SYCP2L: variants seen among roughly 807,000 people sequenced by gnomAD.
SYCP2L encodes the protein synaptonemal complex protein 2-like.
SYCP2L carries 98 observed loss-of-function variants against 125.8 expected under a neutral mutation model. The ratio of observed to expected loss-of-function variants is 0.78; its 90% CI spans 0.66 to 0.92. The LOEUF (loss-of-function observed/expected upper bound fraction) is 0.92, where lower values mean the gene tolerates loss of function less well. Ranked by LOEUF, SYCP2L falls within the 40% of genes least tolerant of loss-of-function variation. The pLI, the probability that SYCP2L is intolerant of heterozygous loss-of-function variation, is 0.00. For missense variants in SYCP2L, 842 were observed against 936.4 expected, an observed-to-expected ratio of 0.90 and a Z score of 1.32; for synonymous variants, 317 against 325.4, an observed-to-expected ratio of 0.97 and a Z score of 0.28.
intron 10 of SYCP2L, among the ~76,000 whole-genome samples, chr6:10,908,496 C>T (rs1397588771): frequency 6.6e-6 from 1 of 152,010 alleles, no homozygotes; most frequent in African/African-American, 2.4e-5. Context: ...TCAGGCTGCA[C>T]AAAAATAGCG....
At chr6:10,926,755 T>C (rs1402275333) in intron 16 of SYCP2L, among the ~76,000 whole-genome samples, 1 of 151,752 alleles carries the variant, frequency 6.6e-6, no homozygotes, top group Non-Finnish European at 1.5e-5. Context: ...CAAGGCTGTT[T>C]TCCCAAGTGC....
intron 14 of SYCP2L, among the ~76,000 whole-genome samples, chr6:10,923,757 C>T (rs1219800921): frequency 6.7e-6 from 1 of 148,392 alleles, no homozygotes; most frequent in Admixed American, 6.9e-5. Context: ...GATCTCGGCT[C>T]ACTGCAAGCT....
intron 21 of SYCP2L, among the ~76,000 whole-genome samples, chr6:10,940,436 G>C (rs61661456): frequency 0.026 from 3,916 of 152,164 alleles, 173 homozygotes; most frequent in East Asian, 0.22. Flanking sequence ...CTAAGCACTG[G>C]TCAGTGGATG....
intron 29 of SYCP2L, among the ~76,000 whole-genome samples, chr6:10,973,064 C>G (rs1045584261): frequency 2.6e-5 from 4 of 152,148 alleles, no homozygotes; most frequent in Non-Finnish European, 5.9e-5. Flanking sequence ...GTCTGTCATG[C>G]CTGAATTAAA....
intron 17 of SYCP2L, 31 bp downstream of exon 17, chr6:10,927,398 G>A (rs546474178): frequency 3.0e-5 from 48 of 1,574,762 alleles, no homozygotes; most frequent in African/African-American, 4.1e-5. Context: ...CCTAAGCATC[G>A]GCCAGGTTGA....
At chr6:10,969,892 A>T (rs1288710768) in intron 29 of SYCP2L, among the ~76,000 whole-genome samples, 1 of 152,132 alleles carries the variant, frequency 6.6e-6, no homozygotes, top group African/African-American at 2.4e-5. Context: ...ATATAACATG[A>T]TCCCACCTGT....
intron 1 of SYCP2L, among the ~76,000 whole-genome samples, chr6:10,889,917 G>GC (rs1780147164): frequency 6.6e-6 from 1 of 152,100 alleles, no homozygotes; most frequent in African/African-American, 2.4e-5. Context: ...ACCGCACCCG[G>GC]CCGAGATCAG....
chr6:10,910,938 TA>T, intron 12 of SYCP2L, 69 bp downstream of exon 12: 3 of 1,552,874 alleles, frequency 1.9e-6, no homozygotes, highest in Non-Finnish European at 2.7e-6. Context: ...TTTACGTGGT[TA>T]GATCAAACTT....
chr6:10,931,464 G>A lies in SYCP2L; in HGVS notation c.1658G>A (p.Ser553Asn), dbSNP rs775716629. The A allele has an allele frequency of 9.9e-6, 16 of 1,614,014 alleles. No homozygotes were observed. Among genetic ancestry groups the A allele is most frequent in the South Asian group, 2.2e-5 (2 of 91,070 alleles). The part of the protein sequence containing the change: ...LRILPVFPPS[S>N]GSGHEKDQAK... ...GTCTTGCCAGTTTTCCCTCCCAGTA[G>A]TGGCAGTGGCCATGAGAAAGACCAA... The change falls in exon 20 of 30, where the codon AGT becomes AAT. Residue 553 changes from serine to asparagine, a missense_variant. Physicochemically the swap from Ser to Asn is conservative, Grantham distance 46. Coordinates refer to ENST00000283141, the MANE Select transcript of SYCP2L (RefSeq NM_001040274.3).
At chr6:10,909,897 C>G (rs16870791) in intron 10 of SYCP2L, among the ~76,000 whole-genome samples, 2,529 of 152,208 alleles carry the variant, frequency 0.017, 73 homozygotes, top group African/African-American at 0.058. Context: ...CTTTTGGAGA[C>G]CTAAGTATTC....
chr6:10,954,019 T>C lies in SYCP2L; in HGVS notation c.1955-1097T>C, dbSNP rs1581842519. Among the ~76,000 whole-genome samples, 1 of 151,852 alleles carries C rather than the reference T, an allele frequency of 6.6e-6. No homozygotes were observed. Among genetic ancestry groups the C allele is most frequent in the Non-Finnish European group, 1.5e-5 (1 of 67,950 alleles). On this transcript the variant is annotated intron_variant, in intron 23 of 29. Transcript: ENST00000283141. The surrounding 1 kb of genome is among the most constrained non-coding windows in gnomAD (Gnocchi z 4.8). ...GGAGACCAGGATATCAGGAGCAGAG[T>C]GGAGGAAGGGTCACTTCGTCTTTAC... is the stretch of plus-strand genomic sequence containing the variant.
chr6:10,927,368 G>A lies in SYCP2L; in HGVS notation c.1440+1G>A, dbSNP rs374503829. On this transcript the variant is annotated splice_donor_variant, in intron 17 of 29. Coordinates refer to ENST00000283141, the MANE Select transcript of SYCP2L (RefSeq NM_001040274.3). LOFTEE classifies it high-confidence loss of function. ...TGGGGAACCTGCCTCTGATAGTCACGTAGGTTCTTTTCTATTTTCCCTAAG... is the reference window on the plus strand; with the variant it reads ...TGGGGAACCTGCCTCTGATAGTCACATAGGTTCTTTTCTATTTTCCCTAAG... 8.1e-6 allele frequency: 13 copies of A among 1,608,034 alleles called. No homozygotes were observed. The highest frequency in any genetic ancestry group is 5.4e-5 in the African/African-American group (4 of 74,722).
intron 16 of SYCP2L, 29 bp downstream of exon 16, chr6:10,926,461 C>A (rs1328358325): frequency 6.4e-7 from 1 of 1,553,390 alleles, no homozygotes; most frequent in South Asian, 1.1e-5. Flanking sequence ...AAATTCTGAC[C>A]CTGAGTTTTC....
intron 23 of SYCP2L, among the ~76,000 whole-genome samples, chr6:10,946,294 C>A (rs1032472409): frequency 4.6e-5 from 7 of 152,040 alleles, no homozygotes; most frequent in African/African-American, 1.7e-4. Context: ...CATAATGTGT[C>A]ATTTCTAAGC....
chr6:10,891,424 T>C (rs1323401391), intron 1 of SYCP2L, 89 bp from the exon 2 acceptor site: 2 of 753,660 alleles, frequency 2.7e-6, no homozygotes, highest in East Asian at 7.9e-5. Flanking sequence ...TTTAATTTTT[T>C]TTTTTTTTTT....
intron 25 of SYCP2L, among the ~76,000 whole-genome samples, chr6:10,957,966 C>T (rs1239401645): frequency 6.6e-6 from 1 of 152,170 alleles, no homozygotes; most frequent in Non-Finnish European, 1.5e-5. Context: ...CCATTTCAGT[C>T]TTTTCCTTTT....
chr6:10,942,573 A>T (rs1325462050), intron 22 of SYCP2L, 44 bp downstream of exon 22: 2 of 1,579,022 alleles, frequency 1.3e-6, no homozygotes, highest in Non-Finnish European at 1.7e-6. Context: ...TCCAGAATTA[A>T]TATCATATTT....
At chr6:10,905,158 AAAAAAAAAGAAG>A (rs1780463551) in intron 8 of SYCP2L, among the ~76,000 whole-genome samples, 2 of 149,618 alleles carry the variant, frequency 1.3e-5, no homozygotes, top group Admixed American at 6.6e-5. Flanking sequence ...AAAAAAAAAA[AAAAAAAAAGAAG>A]AAGATCGACT....
At chr6:10,950,652 C>T (rs996185361) in intron 23 of SYCP2L, among the ~76,000 whole-genome samples, 1 of 152,160 alleles carries the variant, frequency 6.6e-6, no homozygotes, top group East Asian at 1.9e-4. Flanking sequence ...CTCCAGCTCT[C>T]TAACAGAAGC....
Sources: gnomAD v4.1 joint callset for allele counts (sites outside exome capture counted in the v4.1 genomes callset) on GRCh38, gnomAD v4.1.1 for gene constraint, Gnocchi (gnomAD v3.1) non-coding constraint, MANE v1.5 for transcripts, NCBI Gene and HGNC (gene_info 2026-07-23, HGNC 2026-07-21) for gene names.